The following GRM8 variants were observed in gnomAD, a reference collection of about 807,000 sequenced individuals.
GRM8 encodes metabotropic glutamate receptor 8.
In GRM8, 47 loss-of-function variants were observed where a neutral mutation model predicts 87.2. The observed-to-expected ratio is 0.54, with a 90% CI of 0.43 to 0.69. GRM8 has a LOEUF of 0.69. Among genes scored for constraint, GRM8 ranks in the 30% least tolerant of loss-of-function variants. The probability of loss-of-function intolerance (pLI) is 0.00; values close to 1 mark genes in which losing one functional copy is unlikely to be tolerated. For missense variants in GRM8, 1,019 were observed against 1,139.2 expected (o/e 0.89, Z 1.52); for synonymous variants, 396 against 404.5 (o/e 0.98, Z 0.25).
intron 7 of GRM8, among the ~76,000 whole-genome samples, chr7:126,720,718 C>T (rs1345725910): frequency 6.6e-6 from 1 of 152,092 alleles, no homozygotes; most frequent in Non-Finnish European, 1.5e-5. Flanking sequence ...ACATGTGGAT[C>T]TCTTATACCA....
At chr7:126,777,633 G>A (rs1045540097) in intron 6 of GRM8, among the ~76,000 whole-genome samples, 2 of 152,114 alleles carry the variant, frequency 1.3e-5, no homozygotes, top group African/African-American at 4.8e-5. Context: ...AGACAATAGT[G>A]TAGTAGGAGT....
At chr7:126,614,325 T>A (rs1003897327) in intron 7 of GRM8, among the ~76,000 whole-genome samples, 2 of 152,068 alleles carry the variant, frequency 1.3e-5, no homozygotes, top group African/African-American at 4.8e-5. Context: ...TCCTGACTGT[T>A]AGAAGGAAAC....
At chr7:127,180,276 A>G (rs1794359969) in intron 2 of GRM8, among the ~76,000 whole-genome samples, 1 of 152,130 alleles carries the variant, frequency 6.6e-6, no homozygotes, top group African/African-American at 2.4e-5. Flanking sequence ...TTGTAAAGAT[A>G]CAACCCTTCT....
intron 6 of GRM8, among the ~76,000 whole-genome samples, chr7:126,865,419 A>C (rs1266220742): frequency 6.6e-6 from 1 of 152,324 alleles, no homozygotes; most frequent in South Asian, 2.1e-4. Context: ...CTTTATAGAG[A>C]TATACTTCAC....
intron 1 of GRM8, among the ~76,000 whole-genome samples, chr7:127,249,875 A>T (rs984625897): frequency 2.6e-5 from 4 of 152,208 alleles, no homozygotes; most frequent in African/African-American, 9.6e-5. Context: ...TCCGCAAGCC[A>T]GCCAACTTGA....
chr7:127,186,099 G>A (rs920499913), intron 2 of GRM8, among the ~76,000 whole-genome samples: 1 of 152,164 alleles, frequency 6.6e-6, no homozygotes, highest in Non-Finnish European at 1.5e-5. Flanking sequence ...AGGAGGTGAT[G>A]TGGAGAACAG....
intron 7 of GRM8, among the ~76,000 whole-genome samples, chr7:126,625,107 TAA>T (rs1800545317): frequency 6.6e-6 from 1 of 152,218 alleles, no homozygotes; most frequent in African/African-American, 2.4e-5. Flanking sequence ...GAAATCATAT[TAA>T]GTCTGGAAAT....
intron 3 of GRM8, among the ~76,000 whole-genome samples, chr7:127,011,744 A>G (rs1485741532): frequency 6.6e-6 from 1 of 152,198 alleles, no homozygotes; most frequent in Non-Finnish European, 1.5e-5. Flanking sequence ...AAAATCTTAC[A>G]GAAAGATTAC....
At chr7:126,631,675 C>T (rs1801278867) in intron 7 of GRM8, among the ~76,000 whole-genome samples, 1 of 152,068 alleles carries the variant, frequency 6.6e-6, no homozygotes, top group Non-Finnish European at 1.5e-5. Flanking sequence ...GGTACTGGTA[C>T]AAAAACAGGC....
intron 7 of GRM8, among the ~76,000 whole-genome samples, chr7:126,763,464 TATATATATAC>T (rs757580178): frequency 0.13 from 10,144 of 76,896 alleles, 390 homozygotes; most frequent in Non-Finnish European, 0.15. Context: ...TATATATATA[TATATATATAC>T]ACACACACAC....
intron 3 of GRM8, among the ~76,000 whole-genome samples, chr7:127,087,681 C>G (rs999389643): frequency 2.0e-5 from 3 of 152,172 alleles, no homozygotes; most frequent in African/African-American, 7.2e-5. Flanking sequence ...ATCTGCTGTA[C>G]AACGCTGCAC....
intron 9 of GRM8, among the ~76,000 whole-genome samples, chr7:126,457,508 T>C (rs1024880395): frequency 6.6e-6 from 1 of 151,412 alleles, no homozygotes; most frequent in Non-Finnish European, 1.5e-5. Context: ...CTGACTAATG[T>C]GAAATCAGAT....
intron 3 of GRM8, among the ~76,000 whole-genome samples, chr7:127,005,632 C>T (rs1814207628): frequency 6.6e-6 from 1 of 151,746 alleles, no homozygotes; most frequent in South Asian, 2.1e-4. Flanking sequence ...CACTCCCTTG[C>T]ATTTAAGGTT....
At chr7:126,780,690 T>TG (rs57136492) in intron 6 of GRM8, among the ~76,000 whole-genome samples, 142,282 of 151,918 alleles carry the variant, frequency 0.94, 66,747 homozygotes, top group African/African-American at 0.98. Context: ...CCAGTGAGGC[T>TG]TAGCAGGGGA....
intron 7 of GRM8, among the ~76,000 whole-genome samples, chr7:126,681,134 T>C (rs976667462): frequency 1.3e-5 from 2 of 152,226 alleles, no homozygotes; most frequent in Non-Finnish European, 2.9e-5. Flanking sequence ...TTAATCCCTA[T>C]ATTTATTAGA....
At chr7:127,072,807 A>G (rs1231517997) in intron 3 of GRM8, among the ~76,000 whole-genome samples, 1 of 152,134 alleles carries the variant, frequency 6.6e-6, no homozygotes, top group African/African-American at 2.4e-5. Context: ...TCCAACCCAC[A>G]TGATACATCT....
At chr7:126,932,408 C>T (rs959247140) in intron 3 of GRM8, among the ~76,000 whole-genome samples, 2 of 151,916 alleles carry the variant, frequency 1.3e-5, no homozygotes, top group Non-Finnish European at 2.9e-5. Context: ...AAGGTTGGCA[C>T]TACACAAAAA....
intron 8 of GRM8, among the ~76,000 whole-genome samples, chr7:126,594,628 TAGG>T (rs1277288111): frequency 2.0e-5 from 3 of 152,046 alleles, no homozygotes; most frequent in South Asian, 4.1e-4. Flanking sequence ...AAATTTCACT[TAGG>T]AGGAATATGT....
chr7:126,557,496 A>G (rs921156030), intron 8 of GRM8, among the ~76,000 whole-genome samples: 3 of 152,162 alleles, frequency 2.0e-5, no homozygotes, highest in Non-Finnish European at 4.4e-5. Flanking sequence ...TCTTCCTTTC[A>G]GTTTTAGTAA....
Sources: allele counts gnomAD v4.1 joint callset (sites outside exome capture counted in the v4.1 genomes callset), GRCh38; gene constraint gnomAD v4.1.1; transcripts MANE v1.5; gene names NCBI Gene and HGNC (gene_info 2026-07-23, HGNC 2026-07-21).